The following GLIS3 variants were observed in gnomAD, a reference collection of about 807,000 sequenced individuals.
GLIS3 encodes GLIS family zinc finger 3.
A neutral mutation model predicts 78.6 loss-of-function variants in GLIS3; 53 were observed. The ratio of observed to expected loss-of-function variants is 0.67; its 90% CI spans 0.54 to 0.85. The LOEUF is 0.85. Among genes scored for constraint, GLIS3 ranks in the 40% least tolerant of loss-of-function variants. The pLI, the probability that GLIS3 is intolerant of heterozygous loss-of-function variation, is 0.00. For synonymous variants in GLIS3, 684 were observed against 509.9 expected (o/e 1.34, Z -4.60); for missense variants, 1,703 against 1,231.1 (o/e 1.38, Z -5.74).
intron 2 of GLIS3, among the ~76,000 whole-genome samples, chr9:4,337,809 C>T (rs913989496): frequency 1.3e-5 from 2 of 152,138 alleles, no homozygotes; most frequent in African/African-American, 4.8e-5. Flanking sequence ...CTCCACTATC[C>T]ATCTTTCAGA....
intron 2 of GLIS3, among the ~76,000 whole-genome samples, chr9:4,129,070 A>G (rs1285449279): frequency 6.6e-6 from 1 of 152,230 alleles, no homozygotes; most frequent in Non-Finnish European, 1.5e-5. Flanking sequence ...GGAAAATGGC[A>G]ACATCTGTCT....
At chr9:4,079,754 A>G (rs1828390672) in intron 4 of GLIS3, among the ~76,000 whole-genome samples, 1 of 152,010 alleles carries the variant, frequency 6.6e-6, no homozygotes, top group Non-Finnish European at 1.5e-5. Context: ...GAAAAAAAAA[A>G]AAAAAGAAAA....
At chr9:4,459,518 C>G in the GLIS3 span, among the ~76,000 whole-genome samples, 1 of 152,242 alleles carries the variant, frequency 6.6e-6, no homozygotes, top group South Asian at 2.1e-4. Context: ...AATCCTGGCA[C>G]TTTGGGAGGC....
chr9:4,238,505 T>A (rs994418750), intron 2 of GLIS3, among the ~76,000 whole-genome samples: 3 of 152,172 alleles, frequency 2.0e-5, no homozygotes, highest in Non-Finnish European at 2.9e-5. Context: ...GTGCCAAATA[T>A]GCCCCCAACT....
intron 2 of GLIS3, among the ~76,000 whole-genome samples, chr9:4,257,921 T>G (rs543712939): frequency 9.9e-5 from 15 of 152,274 alleles, no homozygotes; most frequent in South Asian, 2.1e-4. Context: ...TTTTACATTT[T>G]AAGTATATAC....
At chr9:4,482,811 G>A in the GLIS3 span, among the ~76,000 whole-genome samples, 1 of 152,002 alleles carries the variant, frequency 6.6e-6, no homozygotes, top group Non-Finnish European at 1.5e-5. Context: ...TAACAACAAA[G>A]GAAATACCAG....
intron 4 of GLIS3, among the ~76,000 whole-genome samples, chr9:3,961,561 G>T (rs1447475454): frequency 6.6e-6 from 1 of 152,142 alleles, no homozygotes; most frequent in Non-Finnish European, 1.5e-5. Flanking sequence ...CAAAATCAAG[G>T]TTGCCAACAT....
At chr9:4,473,085 C>A in the GLIS3 span, among the ~76,000 whole-genome samples, 2 of 152,108 alleles carry the variant, frequency 1.3e-5, no homozygotes, top group East Asian at 3.8e-4. Context: ...ACAGTGTATA[C>A]GCATTTCTTT....
At chr9:3,913,858 T>C (rs946877503) in intron 6 of GLIS3, among the ~76,000 whole-genome samples, 13 of 152,166 alleles carry the variant, frequency 8.5e-5, no homozygotes, top group African/African-American at 2.9e-4. Flanking sequence ...CCTAAAACAG[T>C]CCTTCTTTTC....
chr9:4,040,023 G>A (rs1461726597), intron 4 of GLIS3, among the ~76,000 whole-genome samples: 3 of 152,118 alleles, frequency 2.0e-5, no homozygotes, highest in Admixed American at 6.6e-5. Flanking sequence ...TACTTCAGTG[G>A]ATTCCAAACA....
chr9:4,481,435 G>T, the GLIS3 span, among the ~76,000 whole-genome samples: 3 of 151,674 alleles, frequency 2.0e-5, no homozygotes, highest in African/African-American at 7.3e-5. Flanking sequence ...AGTGAGCCTC[G>T]CACCATTACA....
intron 4 of GLIS3, among the ~76,000 whole-genome samples, chr9:4,111,760 C>G (rs1831229289): frequency 6.6e-6 from 1 of 152,198 alleles, no homozygotes; most frequent in Non-Finnish European, 1.5e-5. Context: ...TTTTTTAAAT[C>G]AAGGAGTTTG....
chr9:3,848,086 T>C (rs1459508684), intron 9 of GLIS3, among the ~76,000 whole-genome samples: 1 of 152,266 alleles, frequency 6.6e-6, no homozygotes, highest in East Asian at 1.9e-4. Flanking sequence ...TGTGACACAA[T>C]GCTTAAGTTC....
At chr9:3,911,618 C>G (rs928866881) in intron 6 of GLIS3, among the ~76,000 whole-genome samples, 3 of 152,162 alleles carry the variant, frequency 2.0e-5, no homozygotes, top group African/African-American at 4.8e-5. Flanking sequence ...ATATAAGACC[C>G]AGACTACGTG....
At chr9:3,976,229 T>C (rs1818775399) in intron 4 of GLIS3, among the ~76,000 whole-genome samples, 1 of 152,152 alleles carries the variant, frequency 6.6e-6, no homozygotes, top group African/African-American at 2.4e-5. Flanking sequence ...TTTTTTTTTC[T>C]TTTAATAATG....
At chr9:4,303,245 G>A (rs184470047), upstream of GLIS3, among the ~76,000 whole-genome samples, 5 of 134,698 alleles carry the variant, frequency 3.7e-5, no homozygotes, top group Admixed American at 2.4e-4. Context: ...ACCAGTGATA[G>A]TATGCCTAGC....
chr9:3,915,736 T>A (rs1375164703), intron 6 of GLIS3, among the ~76,000 whole-genome samples: 1 of 152,212 alleles, frequency 6.6e-6, no homozygotes, highest in African/African-American at 2.4e-5. Context: ...TAATTTCACA[T>A]TCTGACATGG....
chr9:4,292,902 G>A (rs1053713074), intron 1 of GLIS3, among the ~76,000 whole-genome samples: 7 of 152,130 alleles, frequency 4.6e-5, no homozygotes, highest in East Asian at 1.9e-4. Flanking sequence ...AATTTGAAAT[G>A]GAAAAATGAA....
chr9:4,196,401 C>T (rs1818850910), intron 2 of GLIS3, among the ~76,000 whole-genome samples: 1 of 152,224 alleles, frequency 6.6e-6, no homozygotes, highest in Non-Finnish European at 1.5e-5. Context: ...GGCTCAGGTC[C>T]CTTTCCGCAC....
Sources: allele counts gnomAD v4.1 joint callset (sites outside exome capture counted in the v4.1 genomes callset), GRCh38; gene constraint gnomAD v4.1.1; transcripts MANE v1.5; gene names NCBI Gene and HGNC (gene_info 2026-07-23, HGNC 2026-07-21).